Variants in ZEB2 observed in about 807,000 individuals in gnomAD.
The protein encoded by ZEB2 is zinc finger E-box binding homeobox 2, also known as zinc finger E-box-binding homeobox 2.
A neutral mutation model predicts 99.9 loss-of-function variants in ZEB2; 6 were observed. The observed-to-expected ratio is 0.06, with a 90% CI of 0.03 to 0.12. ZEB2 has a LOEUF of 0.12. Among genes scored for constraint, ZEB2 ranks in the 10% least tolerant of loss-of-function variants. The probability of loss-of-function intolerance (pLI) is 1.00; values close to 1 mark genes in which losing one functional copy is unlikely to be tolerated. For missense variants in ZEB2, 969 were observed against 1,502.8 expected (o/e 0.64, Z 5.87); for synonymous variants, 517 against 542.5 (o/e 0.95, Z 0.65).
At chr2:144,425,030 A>G in intron 3 of ZEB2, 163 bp from the exon 4 acceptor site, 1 of 696,198 alleles carries the variant, frequency 1.4e-6, no homozygotes, top group Non-Finnish European at 2.5e-6. Context: ...AATGAATCCA[A>G]TAGTGCTAGC....
At chr2:144,485,261 A>G (rs548116762) in intron 2 of ZEB2, among the ~76,000 whole-genome samples, 4 of 152,340 alleles carry the variant, frequency 2.6e-5, no homozygotes, top group African/African-American at 7.2e-5. Flanking sequence ...CTCTCTAGGG[A>G]AAATGATTTA....
Position 144,399,561 on chromosome 2 carries a change from G to C in ZEB2, c.1626C>G (p.Ser542Arg). The C allele has an allele frequency of 6.2e-7, 1 of 1,614,110 alleles. No homozygotes were observed. Among genetic ancestry groups the C allele is most frequent in the Non-Finnish European group, 8.5e-7 (1 of 1,180,012 alleles). ...KVNEAKACLQ[S>R]LTTDSRRQIS... Reference sequence around the variant, plus strand: ...TCTGTCTCCTTGAGTCAGTAGTCAAGCTCTGGAGGCAAGCTTTGGCTTCAT... The same window carrying C: ...TCTGTCTCCTTGAGTCAGTAGTCAACCTCTGGAGGCAAGCTTTGGCTTCAT... The change falls in exon 8 of 10, where the codon AGC (serine) becomes AGG (arginine). Residue 542 changes from serine (S) to arginine (R), a missense_variant. Transcript: ENST00000627532. The surrounding 1 kb of genome is among the most constrained non-coding windows in gnomAD (Gnocchi z 5.6).
At chr2:144,518,883 C>G (rs1275126105) in intron 1 of ZEB2, 2 of 152,154 alleles carry the variant, frequency 1.3e-5, no homozygotes, top group African/African-American at 4.8e-5. Flanking sequence ...GTTTTATGGG[C>G]ATGTGTGTGT....
intron 4 of ZEB2, among the ~76,000 whole-genome samples, chr2:144,410,410 T>C (rs2149882149): frequency 6.6e-6 from 1 of 152,288 alleles, no homozygotes; most frequent in South Asian, 2.1e-4. Context: ...AGATAATTGA[T>C]TTTTCAGACA....
At chr2:144,497,976 TATATA>T (rs1235030705) in intron 2 of ZEB2, among the ~76,000 whole-genome samples, 1 of 1,740 alleles carries the variant, frequency 5.7e-4, no homozygotes, top group Non-Finnish European at 1.1e-3. Context: ...TATTATATAT[TATATA>T]ATATATTAAT....
At chr2:144,403,837 A>C (rs544341825) in intron 6 of ZEB2, 79 bp downstream of exon 6, 2 of 1,572,170 alleles carry the variant, frequency 1.3e-6, no homozygotes, top group East Asian at 4.5e-5. Flanking sequence ...TGAAAAATTA[A>C]TAATGATTGC....
At chr2:144,397,154 G>A (rs1422496011) in intron 8 of ZEB2, among the ~76,000 whole-genome samples, 1 of 152,102 alleles carries the variant, frequency 6.6e-6, no homozygotes, top group South Asian at 2.1e-4. Context: ...TGTTAAAACA[G>A]CCTTCAGCAT....
chr2:144,404,220 A>G lies in ZEB2; in HGVS notation c.593-90T>C. 3 of 1,404,422 alleles carry G rather than the reference A, an allele frequency of 2.1e-6. No homozygotes were observed. In the Admixed American group the frequency reaches 5.6e-5, roughly 26 times the overall value. The allele number at this position is 1,404,422 out of a possible 1,614,324, so 87.0% of individuals were successfully genotyped here. A position where few individuals can be genotyped will look rare whatever the true frequency, so the allele number is the denominator to read the frequency against. On this transcript the variant is annotated intron_variant, in intron 5 of 9. Transcript: ENST00000627532. ...TGGGCTGACTGCCCGGGATGGTATG[A>G]CAGGAATCACTGCAATCTGCTCCAC...
chr2:144,419,973 A>C (rs1207296279), intron 4 of ZEB2, among the ~76,000 whole-genome samples: 1 of 152,188 alleles, frequency 6.6e-6, no homozygotes, highest in Non-Finnish European at 1.5e-5. Flanking sequence ...AAAATCCTTC[A>C]GGGACTTAGA....
Position 144,398,529 on chromosome 2 carries a change from C to T in ZEB2, c.2658G>A (p.Met886Ile). 6.2e-7 allele frequency: 1 copy of T among 1,614,112 alleles called. No individual in the cohort carries two copies. Among genetic ancestry groups the T allele is most frequent in the Non-Finnish European group, 8.5e-7 (1 of 1,180,024 alleles). The stretch of plus-strand genomic sequence containing the variant: ...ATAAAGGTTTGGCACTAAATGGGTT[C>T]ATGCTGAACACTGGGTTAGTGCTTT... ...DNKSTNPVFS[M>I]NPFSAKPLYT... The change falls in exon 8 of 10, where the codon ATG becomes ATA. Residue 886 changes from methionine to isoleucine, a missense_variant. By Grantham distance (10) the Met-to-Ile change is conservative. Transcript: ENST00000627532.
At chr2:144,427,875 C>A (rs1703709686) in intron 3 of ZEB2, 1 of 152,074 alleles carries the variant, frequency 6.6e-6, no homozygotes, top group Non-Finnish European at 1.5e-5. Flanking sequence ...ATCACAGGCA[C>A]CATTAACTAC....
intron 2 of ZEB2, among the ~76,000 whole-genome samples, chr2:144,440,353 T>C (rs1703889095): frequency 6.6e-6 from 1 of 152,058 alleles, no homozygotes; most frequent in Admixed American, 6.6e-5. Context: ...ATTTGTAAAC[T>C]TCTAAAGGTA....
intron 2 of ZEB2, among the ~76,000 whole-genome samples, chr2:144,435,790 C>G (rs969293149): frequency 1.3e-5 from 2 of 152,038 alleles, no homozygotes; most frequent in Admixed American, 6.6e-5. Flanking sequence ...TTCTCCTGAA[C>G]CTTAGCCTTT....
intron 2 of ZEB2, among the ~76,000 whole-genome samples, chr2:144,476,303 T>C (rs1039860486): frequency 6.6e-6 from 1 of 152,210 alleles, no homozygotes; most frequent in African/African-American, 2.4e-5. Context: ...TATGGCTTCA[T>C]GCTTCACTAA....
chr2:144,453,970 T>C (rs1704087783), intron 2 of ZEB2, among the ~76,000 whole-genome samples: 1 of 152,230 alleles, frequency 6.6e-6, no homozygotes, highest in Non-Finnish European at 1.5e-5. Context: ...TGTTAGAATA[T>C]ATTAGTACAT....
At chr2:144,402,248 G>T (rs1433426667) in intron 6 of ZEB2, among the ~76,000 whole-genome samples, 1 of 152,122 alleles carries the variant, frequency 6.6e-6, no homozygotes, top group African/African-American at 2.4e-5. Flanking sequence ...AAGGTAGGAG[G>T]TCAGCCTTTT....
chr2:144,490,037 G>A (rs1184950274), intron 2 of ZEB2, among the ~76,000 whole-genome samples: 1 of 152,056 alleles, frequency 6.6e-6, no homozygotes, highest in Non-Finnish European at 1.5e-5. Flanking sequence ...TATTATTTGG[G>A]GGAATTACTA....
At chr2:144,418,823 A>G (rs1373297654) in intron 4 of ZEB2, among the ~76,000 whole-genome samples, 2 of 152,102 alleles carry the variant, frequency 1.3e-5, no homozygotes, top group Non-Finnish European at 2.9e-5. Flanking sequence ...ACTTTGGGGA[A>G]ATGGTGGGAG....
At chr2:144,478,372 C>T (rs1251247067) in intron 2 of ZEB2, among the ~76,000 whole-genome samples, 1 of 152,218 alleles carries the variant, frequency 6.6e-6, no homozygotes, top group Non-Finnish European at 1.5e-5. Context: ...GAAAGCTGAG[C>T]ACTTCGTACC....
Sources: gnomAD v4.1 joint callset for allele counts (sites outside exome capture counted in the v4.1 genomes callset) on GRCh38, gnomAD v4.1.1 for gene constraint, Gnocchi (gnomAD v3.1) non-coding constraint, MANE v1.5 for transcripts, NCBI Gene and HGNC (gene_info 2026-07-23, HGNC 2026-07-21) for gene names.